The following AMOTL1 variants were observed in gnomAD, a reference collection of about 807,000 sequenced individuals.
AMOTL1 encodes the protein angiomotin-like protein 1.
In AMOTL1, 45 loss-of-function variants were observed where a neutral mutation model predicts 102.9. The ratio of observed to expected loss-of-function variants is 0.44; its 90% CI spans 0.34 to 0.56. The LOEUF is 0.56. Ranked by LOEUF, AMOTL1 falls within the 20% of genes least tolerant of loss-of-function variation. The pLI, the probability that AMOTL1 is intolerant of heterozygous loss-of-function variation, is 0.01. For missense variants in AMOTL1, 1,114 were observed against 1,225.6 expected, an observed-to-expected ratio of 0.91 and a Z score of 1.36; for synonymous variants, 481 against 484.7, an observed-to-expected ratio of 0.99 and a Z score of 0.10.
chr11:94,720,275 G>T (rs1950155719), intron 1 of AMOTL1, among the ~76,000 whole-genome samples: 2 of 152,026 alleles, frequency 1.3e-5, no homozygotes, highest in Admixed American at 6.6e-5. Flanking sequence ...GGCTCCCTCA[G>T]CATATAAAGG....
At chr11:94,842,067 C>T (rs1803834263) in intron 6 of AMOTL1, among the ~76,000 whole-genome samples, 1 of 152,046 alleles carries the variant, frequency 6.6e-6, no homozygotes, top group Non-Finnish European at 1.5e-5. Flanking sequence ...CTATATTAGA[C>T]CAATAGAAGA....
chr11:94,768,964 C>T (rs922383439), intron 1 of AMOTL1, among the ~76,000 whole-genome samples: 20 of 152,058 alleles, frequency 1.3e-4, no homozygotes, highest in African/African-American at 3.4e-4. Flanking sequence ...CAGCTTTCCC[C>T]GGCGCGAGAC....
At chr11:94,711,214 G>A (rs1048458354) in intron 1 of AMOTL1, among the ~76,000 whole-genome samples, 11 of 152,040 alleles carry the variant, frequency 7.2e-5, no homozygotes, top group African/African-American at 2.7e-4. Context: ...TAAATTTATG[G>A]TTGATCTAGT....
At chr11:94,727,896 T>C (rs1460965837) in intron 1 of AMOTL1, among the ~76,000 whole-genome samples, 1 of 152,200 alleles carries the variant, frequency 6.6e-6, no homozygotes, top group Non-Finnish European at 1.5e-5. Flanking sequence ...ATCATATTTT[T>C]CCAGGCAGAT....
intron 1 of AMOTL1, among the ~76,000 whole-genome samples, chr11:94,707,253 T>C (rs752295572): frequency 4.5e-4 from 34 of 76,042 alleles, no homozygotes; most frequent in Non-Finnish European, 1.2e-3. Context: ...TCTCTCTCTG[T>C]GTGTGTGTGT....
At chr11:94,810,509 A>AG (rs1184843375) in intron 3 of AMOTL1, among the ~76,000 whole-genome samples, 1 of 151,356 alleles carries the variant, frequency 6.6e-6, no homozygotes, top group Non-Finnish European at 1.5e-5. Context: ...AAAAAAAAAA[A>AG]AAAGAAAAGA....
intron 3 of AMOTL1, among the ~76,000 whole-genome samples, chr11:94,806,181 G>A (rs12421118): frequency 5.3e-5 from 8 of 152,072 alleles, no homozygotes; most frequent in Admixed American, 3.3e-4. Context: ...TAAAGATAAC[G>A]CCTGTCCTCA....
chr11:94,852,871 A>C (rs1952574076), intron 7 of AMOTL1, among the ~76,000 whole-genome samples: 1 of 152,214 alleles, frequency 6.6e-6, no homozygotes, highest in African/African-American at 2.4e-5. Context: ...ACATATATAA[A>C]TACATACCTA....
intron 5 of AMOTL1, 92 bp downstream of exon 5, chr11:94,830,286 G>A: frequency 8.1e-7 from 1 of 1,230,562 alleles, no homozygotes; most frequent in Non-Finnish European, 1.1e-6. Context: ...CTTTGCCACA[G>A]GTACTGGTCT....
upstream of AMOTL1, chr11:94,768,353 G>T: frequency 1.5e-6 from 2 of 1,375,874 alleles, no homozygotes; most frequent in Non-Finnish European, 1.9e-6. Flanking sequence ...GGACGGCGGC[G>T]GGAGCGCGCG....
intron 3 of AMOTL1, among the ~76,000 whole-genome samples, chr11:94,808,936 A>C (rs1209345971): frequency 6.7e-6 from 1 of 148,280 alleles, no homozygotes; most frequent in Non-Finnish European, 1.5e-5. Context: ...TTCCTTTTCT[A>C]CCAAGTCTCT....
At chr11:94,738,308 ACTGCAATGG>A (rs138160397) in intron 2 of AMOTL1, among the ~76,000 whole-genome samples, 3,396 of 148,590 alleles carry the variant, frequency 0.023, 198 homozygotes, top group East Asian at 0.17. Flanking sequence ...CCCAGGCTGG[ACTGCAATGG>A]CGTGATCTCT....
chr11:94,823,863 G>A (rs557991830), intron 4 of AMOTL1, among the ~76,000 whole-genome samples: 11 of 150,732 alleles, frequency 7.3e-5, no homozygotes, highest in African/African-American at 1.5e-4. Flanking sequence ...CTACAGTTGC[G>A]CACCACCACA....
chr11:94,710,686 G>A (rs1950010230), intron 1 of AMOTL1, among the ~76,000 whole-genome samples: 1 of 152,138 alleles, frequency 6.6e-6, no homozygotes, highest in Non-Finnish European at 1.5e-5. Flanking sequence ...CTCAAGATAA[G>A]TGTTCAATAA....
At chr11:94,852,495 G>C (rs1466949305) in intron 7 of AMOTL1, among the ~76,000 whole-genome samples, 1 of 152,218 alleles carries the variant, frequency 6.6e-6, no homozygotes, top group African/African-American at 2.4e-5. Context: ...ACCAAATCAA[G>C]TTGATGCCTA....
Position 94,866,106 on chromosome 11 carries a change from C to G in AMOTL1, c.2426C>G (p.Ser809Cys), listed in dbSNP as rs752636370. The G allele has an allele frequency of 8.7e-6, 14 of 1,614,014 alleles. No homozygotes were observed. The highest frequency in any genetic ancestry group is 1.2e-5 in the Non-Finnish European group (14 of 1,179,890). The part of the protein sequence containing the change: ...AATGTHSRQT[S>C]LTSSQLAEEK... ...ACTGGGACACACTCTCGCCAGACCTCTCTTACCAGCAGCCAGCTGGCTGAG... is the reference window on the plus strand; with the variant it reads ...ACTGGGACACACTCTCGCCAGACCTGTCTTACCAGCAGCCAGCTGGCTGAG... The change falls in exon 11 of 13, where the codon TCT (serine) becomes TGT (cysteine). Residue 809 changes from serine (S) to cysteine (C), a missense_variant. Physicochemically the swap from Ser to Cys is moderately radical, Grantham distance 112 (BLOSUM62 -1). Coordinates refer to ENST00000433060, the MANE Select transcript of AMOTL1 (RefSeq NM_130847.3).
intron 2 of AMOTL1, among the ~76,000 whole-genome samples, chr11:94,734,232 GA>G (rs1388718446): frequency 6.6e-6 from 1 of 152,128 alleles, no homozygotes; most frequent in East Asian, 1.9e-4. Flanking sequence ...TTAGGATAAT[GA>G]TTTTTTTAGG....
At chr11:94,849,455 C>G (rs1259034949) in intron 6 of AMOTL1, among the ~76,000 whole-genome samples, 2 of 152,200 alleles carry the variant, frequency 1.3e-5, no homozygotes, top group Admixed American at 6.5e-5. Context: ...GCATACCAGC[C>G]TTGGCTTCCC....
intron 1 of AMOTL1, among the ~76,000 whole-genome samples, chr11:94,790,600 A>G (rs1008904693): frequency 2.0e-5 from 3 of 152,222 alleles, no homozygotes; most frequent in Non-Finnish European, 2.9e-5. Context: ...CAGCAGGACT[A>G]TGCACAGCTA....
Sources: gnomAD v4.1 joint callset for allele counts (sites outside exome capture counted in the v4.1 genomes callset) on GRCh38, gnomAD v4.1.1 for gene constraint, MANE v1.5 for transcripts, NCBI Gene and HGNC (gene_info 2026-07-23, HGNC 2026-07-21) for gene names.